RALYL: variants seen among roughly 807,000 people sequenced by gnomAD.
RALYL encodes RALY RNA binding protein like, also known as RNA-binding Raly-like protein.
RALYL carries 29 observed loss-of-function variants against 35.1 expected under a neutral mutation model. That is an observed-to-expected ratio of 0.83 (90% CI 0.61 to 1.13). RALYL has a LOEUF of 1.13. Ranked by LOEUF, RALYL falls within the 50% of genes most tolerant of loss-of-function variation. RALYL has a pLI of 0.00. For synonymous variants in RALYL, 120 were observed against 127.6 expected (o/e 0.94, Z 0.40); for missense variants, 359 against 360.4 (o/e 1.00, Z 0.03).
intron 2 of RALYL, among the ~76,000 whole-genome samples, chr8:84,577,920 A>G (rs1809855303): frequency 6.6e-6 from 1 of 152,220 alleles, no homozygotes; most frequent in Admixed American, 6.5e-5. Flanking sequence ...AAAGTATCTA[A>G]TGTGACACTG....
In RALYL at chr8:84,466,713, G is replaced by A. The variant is rs1418095488; in HGVS notation, c.-23-62586G>A. Among the ~76,000 whole-genome samples the A allele has an allele frequency of 3.9e-5, 6 of 151,974 alleles. No homozygotes were observed. The East Asian group carries it at 9.7e-4, about 24-fold the overall frequency. On this transcript the variant is annotated intron_variant, in intron 1 of 8. Transcript: ENST00000521268. ...CTATTGATTAGAATAGTTTCAGAAG[G>A]AATGGTACCAGTTCCTCCTTGTACC...
At chr8:84,445,156 T>C (rs1017956362) in intron 1 of RALYL, among the ~76,000 whole-genome samples, 2 of 152,108 alleles carry the variant, frequency 1.3e-5, no homozygotes, top group African/African-American at 4.8e-5. Context: ...AAAGATAGCT[T>C]AACATTCTGT....
chr8:84,405,035 A>C (rs2043319825), intron 1 of RALYL, among the ~76,000 whole-genome samples: 1 of 152,214 alleles, frequency 6.6e-6, no homozygotes, highest in Non-Finnish European at 1.5e-5. Flanking sequence ...CAGGGTAAGC[A>C]AATTAGAACT....
At chr8:84,776,648 G>T (rs1816910723) in intron 3 of RALYL, among the ~76,000 whole-genome samples, 1 of 144,674 alleles carries the variant, frequency 6.9e-6, no homozygotes, top group African/African-American at 2.5e-5. Context: ...GCTAAAACAA[G>T]CTGCCAATGG....
intron 1 of RALYL, among the ~76,000 whole-genome samples, chr8:84,264,535 A>T (rs1277183348): frequency 6.7e-6 from 1 of 148,830 alleles, no homozygotes; most frequent in Non-Finnish European, 1.5e-5. Context: ...GATTTCAAAG[A>T]TTTTCTCCTA....
Position 84,395,749 on chromosome 8 carries a change from T to G in RALYL, c.-23-133550T>G, listed in dbSNP as rs139178207. ...AGGATAACTATTTTAAAATATACTC[T>G]CTTTTTTGAAATAGATTGTGAAATA... is the stretch of plus-strand genomic sequence containing the variant. On this transcript the variant is annotated intron_variant, in intron 1 of 8. Coordinates refer to ENST00000521268, the MANE Select transcript of RALYL (RefSeq NM_173848.7). 2.6e-4 allele frequency among the ~76,000 whole-genome samples: 39 copies of G among 152,048 alleles called. No individual in the cohort carries two copies. The East Asian group carries it at 7.2e-3, about 28-fold the overall frequency.
chr8:84,566,468 G>A (rs982028888), intron 2 of RALYL, among the ~76,000 whole-genome samples: 5 of 151,464 alleles, frequency 3.3e-5, no homozygotes, highest in African/African-American at 1.2e-4. Flanking sequence ...GCATACTAGA[G>A]CCACTTATTT....
intron 1 of RALYL, among the ~76,000 whole-genome samples, chr8:84,318,532 T>C (rs1291900889): frequency 6.6e-6 from 1 of 152,226 alleles, no homozygotes; most frequent in Non-Finnish European, 1.5e-5. Flanking sequence ...TTTGGCAAAT[T>C]ATCGTGTGAT....
At chr8:84,424,879 G>C (rs574443264) in intron 1 of RALYL, among the ~76,000 whole-genome samples, 1 of 151,908 alleles carries the variant, frequency 6.6e-6, no homozygotes, top group East Asian at 1.9e-4. Context: ...AGGGGTCAGG[G>C]ACCCACTTGA....
intron 2 of RALYL, among the ~76,000 whole-genome samples, chr8:84,692,817 C>T (rs1195065304): frequency 6.6e-6 from 1 of 151,882 alleles, no homozygotes; most frequent in Non-Finnish European, 1.5e-5. Context: ...TCAATGTAAT[C>T]ACAAGAATCC....
intron 1 of RALYL, among the ~76,000 whole-genome samples, chr8:84,242,913 C>T (rs1828273288): frequency 6.6e-6 from 1 of 152,052 alleles, no homozygotes; most frequent in Admixed American, 6.6e-5. Flanking sequence ...GAAATTTTTG[C>T]CTGTGCTATG....
chr8:84,266,350 T>G (rs550624945), intron 1 of RALYL, among the ~76,000 whole-genome samples: 40 of 152,292 alleles, frequency 2.6e-4, no homozygotes, highest in Admixed American at 3.9e-4. Context: ...CTGGAATAGA[T>G]TATGCTCCTA....
intron 2 of RALYL, among the ~76,000 whole-genome samples, chr8:84,624,699 G>T (rs1354979649): frequency 6.6e-6 from 1 of 152,192 alleles, no homozygotes; most frequent in African/African-American, 2.4e-5. Flanking sequence ...TTAGGACATG[G>T]ACGTCTTTGG....
chr8:84,186,462 T>G (rs73688415), intron 1 of RALYL, among the ~76,000 whole-genome samples: 1 of 152,152 alleles, frequency 6.6e-6, no homozygotes, highest in Non-Finnish European at 1.5e-5. Flanking sequence ...TTTTATGTAT[T>G]GTAAGTCGTT....
chr8:84,201,086 T>C (rs1266362736), intron 1 of RALYL, among the ~76,000 whole-genome samples: 1 of 152,198 alleles, frequency 6.6e-6, no homozygotes, highest in Non-Finnish European at 1.5e-5. Context: ...GTTAAGATAG[T>C]ATCTTATTCT....
chr8:84,238,697 G>C (rs949502986), intron 1 of RALYL, among the ~76,000 whole-genome samples: 1 of 152,106 alleles, frequency 6.6e-6, no homozygotes, highest in Non-Finnish European at 1.5e-5. Flanking sequence ...CCCTTTGAAG[G>C]CTGTAGTGGT....
At chr8:84,460,838 T>C (rs2050686385) in intron 1 of RALYL, among the ~76,000 whole-genome samples, 1 of 151,596 alleles carries the variant, frequency 6.6e-6, no homozygotes, top group Admixed American at 6.6e-5. Context: ...AATATAAGCA[T>C]ATAAGCTTTT....
intron 3 of RALYL, among the ~76,000 whole-genome samples, chr8:84,787,656 T>A (rs1456459659): frequency 6.6e-6 from 1 of 152,240 alleles, no homozygotes; most frequent in African/African-American, 2.4e-5. Context: ...AAAGTGTTTC[T>A]ATTTCTCCAC....
At chr8:84,688,537 A>G (rs763979201) in intron 2 of RALYL, among the ~76,000 whole-genome samples, 4 of 152,128 alleles carry the variant, frequency 2.6e-5, no homozygotes, top group Admixed American at 6.6e-5. Context: ...GAAGAAAAAA[A>G]CTTGATTCTT....
Sources: gnomAD v4.1 joint callset for allele counts (sites outside exome capture counted in the v4.1 genomes callset) on GRCh38, gnomAD v4.1.1 for gene constraint, MANE v1.5 for transcripts, NCBI Gene and HGNC (gene_info 2026-07-23, HGNC 2026-07-21) for gene names.